VSNL1: variants seen among roughly 807,000 people sequenced by gnomAD.
VSNL1 encodes visinin like 1.
VSNL1 carries 6 observed loss-of-function variants against 20.4 expected under a neutral mutation model. The ratio of observed to expected loss-of-function variants is 0.29; its 90% confidence interval spans 0.16 to 0.58. The LOEUF is 0.58. Among genes scored for constraint, VSNL1 ranks in the 20% least tolerant of loss-of-function variants. VSNL1 has a pLI of 0.90. For missense variants in VSNL1, 100 were observed against 234.5 expected, an observed-to-expected ratio of 0.43 and a Z score of 3.75; for synonymous variants, 93 against 86.4, an observed-to-expected ratio of 1.08 and a Z score of -0.42.
At chr2:17,551,643 G>C (rs1034302164) in intron 1 of VSNL1, among the ~76,000 whole-genome samples, 1 of 152,174 alleles carries the variant, frequency 6.6e-6, no homozygotes, top group Non-Finnish European at 1.5e-5. Flanking sequence ...AACTGGAAGA[G>C]GACAGGGGAA....
At chr2:17,560,059 A>C (rs1663777838) in intron 1 of VSNL1, among the ~76,000 whole-genome samples, 1 of 151,818 alleles carries the variant, frequency 6.6e-6, no homozygotes, top group African/African-American at 2.4e-5. Context: ...AATTAGAAAA[A>C]ATGTTCTATG....
intron 2 of VSNL1, among the ~76,000 whole-genome samples, chr2:17,630,755 T>C (rs947586571): frequency 2.4e-4 from 36 of 152,084 alleles, no homozygotes; most frequent in African/African-American, 8.7e-4. Context: ...CACCCGCATA[T>C]ATGGGGCAAA....
At chr2:17,582,267 G>A (rs1664366946) in intron 1 of VSNL1, among the ~76,000 whole-genome samples, 1 of 152,102 alleles carries the variant, frequency 6.6e-6, no homozygotes. Flanking sequence ...GGAAAGTGTA[G>A]GCCCAAGTGA....
Position 17,578,633 on chromosome 2 carries a change from C to T in VSNL1, c.-5-13437C>T, listed in dbSNP as rs369323264. Among the ~76,000 whole-genome samples, 8 of 152,298 alleles carry T rather than the reference C, an allele frequency of 5.3e-5. No homozygotes were observed. In the East Asian group the frequency reaches 9.7e-4, roughly 18 times the overall value. On this transcript the variant is annotated intron_variant, in intron 1 of 3. Coordinates refer to ENST00000295156, the MANE Select transcript of VSNL1 (RefSeq NM_003385.5). ...GCTACCTGTGCTCTCAGAAGGCCCA[C>T]GGCTGGGAGGGAGGCAGGTGGAGGA... is the stretch of plus-strand genomic sequence containing the variant.
At chr2:17,647,067 G>C (rs1051369690) in intron 2 of VSNL1, among the ~76,000 whole-genome samples, 3 of 152,172 alleles carry the variant, frequency 2.0e-5, no homozygotes, top group Non-Finnish European at 4.4e-5. Context: ...GTAAAAGTCA[G>C]TATATAGACC....
In VSNL1 at chr2:17,540,706, AGAGATTTACCC is replaced by A. The variant is rs1663263780; in HGVS notation, c.-214_-204del. ...TTCTATGGGATTCCCAATCTGCAGC[AGAGATTTACCC>A]GAGCGTGTTGCGGCAGCGGCTGGGC... is the stretch of plus-strand genomic sequence containing the variant. On this transcript the variant is annotated 5_prime_UTR_variant, in exon 1 of 4. Transcript: ENST00000295156. 1 of 152,678 alleles carries A rather than the reference AGAGATTTACCC, an allele frequency of 6.5e-6. No homozygotes were observed. Among genetic ancestry groups the A allele is most frequent in the South Asian group, 2.1e-4 (1 of 4,832 alleles). 9.5% of individuals were successfully genotyped at this position (152,678 alleles called of 1,614,324 possible).
intron 1 of VSNL1, among the ~76,000 whole-genome samples, chr2:17,542,454 G>A (rs1228815827): frequency 1.3e-5 from 2 of 152,276 alleles, no homozygotes; most frequent in Non-Finnish European, 2.9e-5. Flanking sequence ...AATCGGGTGT[G>A]GGGGCCATCA....
Position 17,572,054 on chromosome 2 carries a change from T to C in VSNL1, c.-5-20016T>C, listed in dbSNP as rs767473716. ...GTAATAAGAGATAAAGCTGGAGAGG[T>C]AGAAAGAACGTGCACCCTGATTTTC... On this transcript the variant is annotated intron_variant, in intron 1 of 3. Coordinates refer to ENST00000295156, the MANE Select transcript of VSNL1 (RefSeq NM_003385.5). Among the ~76,000 whole-genome samples, 8 of 152,178 alleles carry C rather than the reference T, an allele frequency of 5.3e-5. No homozygotes were observed. The South Asian group carries it at 1.7e-3, about 32-fold the overall frequency.
chr2:17,608,192 A>G (rs1053099539), intron 2 of VSNL1, among the ~76,000 whole-genome samples: 23 of 152,250 alleles, frequency 1.5e-4, no homozygotes, highest in Admixed American at 1.5e-3. Context: ...TTTCTTTTAG[A>G]AGAAATGCAA....
intron 2 of VSNL1, among the ~76,000 whole-genome samples, chr2:17,596,211 A>G (rs538681042): frequency 1.3e-5 from 2 of 152,198 alleles, no homozygotes; most frequent in South Asian, 4.1e-4. Flanking sequence ...GATGTCTGGA[A>G]CTCCCTGGAC....
At chr2:17,577,850 T>C (rs566482817) in intron 1 of VSNL1, among the ~76,000 whole-genome samples, 3 of 152,182 alleles carry the variant, frequency 2.0e-5, no homozygotes, top group Non-Finnish European at 4.4e-5. Flanking sequence ...TTGTTTCTCA[T>C]CTCTAATCTG....
intron 1 of VSNL1, among the ~76,000 whole-genome samples, chr2:17,554,963 A>G (rs1663637996): frequency 6.6e-6 from 1 of 152,190 alleles, no homozygotes; most frequent in African/African-American, 2.4e-5. Flanking sequence ...ATTACACTCC[A>G]TCGTATATAT....
intron 2 of VSNL1, among the ~76,000 whole-genome samples, chr2:17,636,640 T>C (rs1328213989): frequency 1.3e-5 from 2 of 152,226 alleles, no homozygotes; most frequent in African/African-American, 4.8e-5. Context: ...ATAACTTTAA[T>C]AGTGATTACA....
At chr2:17,612,714 C>G (rs1665118456) in intron 2 of VSNL1, among the ~76,000 whole-genome samples, 1 of 152,194 alleles carries the variant, frequency 6.6e-6, no homozygotes, top group Non-Finnish European at 1.5e-5. Context: ...CAAGATGACT[C>G]TGAAATGCAT....
chr2:17,542,220 G>T (rs1479576410), intron 1 of VSNL1, among the ~76,000 whole-genome samples: 2 of 152,082 alleles, frequency 1.3e-5, no homozygotes, highest in East Asian at 1.9e-4. Flanking sequence ...TGTGTGTGGT[G>T]GGGGGGAGTA....
At chr2:17,599,796 G>C (rs964585984) in intron 2 of VSNL1, among the ~76,000 whole-genome samples, 1 of 152,236 alleles carries the variant, frequency 6.6e-6, no homozygotes, top group African/African-American at 2.4e-5. Flanking sequence ...AAAGTGGTGA[G>C]TGGAGACAAA....
intron 1 of VSNL1, among the ~76,000 whole-genome samples, chr2:17,550,708 A>T (rs1043060956): frequency 2.6e-5 from 4 of 152,198 alleles, no homozygotes; most frequent in Admixed American, 1.3e-4. Flanking sequence ...ATGCATGCAA[A>T]CACAGGTACT....
At chr2:17,586,567 G>T (rs1292399489) in intron 1 of VSNL1, among the ~76,000 whole-genome samples, 1 of 152,166 alleles carries the variant, frequency 6.6e-6, no homozygotes, top group Non-Finnish European at 1.5e-5. Flanking sequence ...ACTTGTAAAT[G>T]TCTCCTGCAT....
At chr2:17,582,505 AG>A (rs1242315829) in intron 1 of VSNL1, among the ~76,000 whole-genome samples, 1 of 152,182 alleles carries the variant, frequency 6.6e-6, no homozygotes, top group Non-Finnish European at 1.5e-5. Context: ...CTTGAACCAA[AG>A]TAGTGGCAAC....
Sources: gnomAD v4.1 joint callset for allele counts (sites outside exome capture counted in the v4.1 genomes callset) on GRCh38, gnomAD v4.1.1 for gene constraint, MANE v1.5 for transcripts, NCBI Gene and HGNC (gene_info 2026-07-23, HGNC 2026-07-21) for gene names.